The following SHROOM2 variants were observed in gnomAD, a reference collection of about 807,000 sequenced individuals.
SHROOM2 encodes the protein shroom family member 2.
SHROOM2 carries 33 observed loss-of-function variants against 75.9 expected under a neutral mutation model. The observed-to-expected ratio is 0.43, with a 90% CI of 0.33 to 0.58. The LOEUF (loss-of-function observed/expected upper bound fraction) is 0.58, where lower values mean the gene tolerates loss of function less well. Ranked by LOEUF, SHROOM2 falls within the 20% of genes least tolerant of loss-of-function variation. SHROOM2 has a pLI of 0.04. For synonymous variants in SHROOM2, 655 were observed against 663.6 expected (o/e 0.99, Z 0.20); for missense variants, 1,434 against 1,461.2 (o/e 0.98, Z 0.30).
chrX:9,948,565 G>A lies in SHROOM2; in HGVS notation c.*1628G>A, dbSNP rs749336517. 97 of 113,470 alleles carry A rather than the reference G, an allele frequency of 8.5e-4. 1 individual carries two copies. The highest frequency in any genetic ancestry group is 2.9e-3 in the African/African-American group (92 of 31,196). 9.4% of individuals were successfully genotyped at this position (113,470 alleles called of 1,213,427 possible). A position where few individuals can be genotyped will look rare whatever the true frequency, so the allele number is the denominator to read the frequency against. On this transcript the variant is annotated 3_prime_UTR_variant, in exon 10 of 10. Coordinates refer to ENST00000380913, the MANE Select transcript of SHROOM2 (RefSeq NM_001649.4). Reference sequence around the variant, plus strand: ...ATGCACACACACAGATGTCTTAAAAGACTAGAATCCACACTTCCTGAGCCA... The same window carrying A: ...ATGCACACACACAGATGTCTTAAAAAACTAGAATCCACACTTCCTGAGCCA...
chrX:9,844,956 C>T (rs755352983), intron 1 of SHROOM2, among the ~76,000 whole-genome samples: 19 of 111,979 alleles, frequency 1.7e-4, no homozygotes, highest in Non-Finnish European at 3.0e-4. Context: ...CACCTCCAAT[C>T]TCCTGATGCT....
chrX:9,792,725 A>T (rs911549638), intron 1 of SHROOM2, among the ~76,000 whole-genome samples: 1 of 101,933 alleles, frequency 9.8e-6, no homozygotes, highest in Non-Finnish European at 2.0e-5. Context: ...ATGATAGCGT[A>T]TTTTTTTTTT....
At chrX:9,943,836 A>AGT (rs1279103754) in intron 8 of SHROOM2, among the ~76,000 whole-genome samples, 1 of 112,207 alleles carries the variant, frequency 8.9e-6, no homozygotes, top group African/African-American at 3.2e-5. Flanking sequence ...TTTATATGCT[A>AGT]GTATTAGCAA....
chrX:9,810,822 A>G (rs113153730), intron 1 of SHROOM2, among the ~76,000 whole-genome samples: 11,308 of 110,105 alleles, frequency 0.1, 1,406 homozygotes, highest in African/African-American at 0.35. Flanking sequence ...TTGTCACCTA[A>G]TTGGTGTTAT....
chrX:9,899,858 G>A (rs1169611888), intron 5 of SHROOM2, among the ~76,000 whole-genome samples: 2 of 112,604 alleles, frequency 1.8e-5, no homozygotes, highest in Non-Finnish European at 3.8e-5. Flanking sequence ...GAGGCTGGCC[G>A]TGCAGTGCAT....
chrX:9,918,409 T>G (rs2084510853), intron 5 of SHROOM2, among the ~76,000 whole-genome samples: 1 of 112,414 alleles, frequency 8.9e-6, no homozygotes, highest in Non-Finnish European at 1.9e-5. Flanking sequence ...TGTGGATTCC[T>G]GGTTCACAGA....
chrX:9,796,264 A>G (rs965447641), intron 1 of SHROOM2, among the ~76,000 whole-genome samples: 4 of 108,224 alleles, frequency 3.7e-5, no homozygotes, highest in African/African-American at 1.0e-4. Context: ...CTCTACAACA[A>G]ATAGAAAAAT....
chrX:9,833,626 GTGTGTGTGTGTGTGTGTGTGCA>G (rs1478782900), intron 1 of SHROOM2, among the ~76,000 whole-genome samples: 1 of 109,362 alleles, frequency 9.1e-6, no homozygotes, highest in Admixed American at 9.8e-5. Context: ...GTGTGTGTGT[GTGTGTGTGTGTGTGTGTGTGCA>G]TGCACGTGCA....
intron 5 of SHROOM2, among the ~76,000 whole-genome samples, chrX:9,901,014 G>A (rs1225710719): frequency 3.6e-5 from 4 of 110,755 alleles, no homozygotes; most frequent in Non-Finnish European, 7.6e-5. Context: ...AAGACTGGGG[G>A]ACTCAAACAA....
rs187973654 is a variant in SHROOM2 at position 9,878,504 on chromosome X, T to G, written c.317+4701T>G. On this transcript the variant is annotated intron_variant, in intron 2 of 9. Transcript: ENST00000380913. ...AGCACTCATGTTTGCTAGGAGCTGG[T>G]TTCTTACAACATGCGTCCCGTCTTG... Among the ~76,000 whole-genome samples the G allele has an allele frequency of 9.4e-3, 1,053 of 111,755 alleles. 7 individuals carry two copies. The highest frequency in any genetic ancestry group is 0.031 in the African/African-American group (956 of 30,781).
At chrX:9,902,993 T>C (rs1601979691) in intron 5 of SHROOM2, among the ~76,000 whole-genome samples, 1 of 112,052 alleles carries the variant, frequency 8.9e-6, no homozygotes, top group African/African-American at 3.2e-5. Flanking sequence ...CAAAATTGAA[T>C]GCATACGAAA....
At chrX:9,861,158 AT>A (rs1181670229) in intron 1 of SHROOM2, among the ~76,000 whole-genome samples, 1 of 112,011 alleles carries the variant, frequency 8.9e-6, no homozygotes, top group Non-Finnish European at 1.9e-5. Context: ...ATTTGATATT[AT>A]GTTTTTGTTG....
chrX:9,808,439 T>C (rs1487891184), intron 1 of SHROOM2, among the ~76,000 whole-genome samples: 2 of 108,345 alleles, frequency 1.8e-5, no homozygotes, highest in African/African-American at 3.4e-5. Flanking sequence ...CCCACCTACT[T>C]GGGAGCCTGA....
intron 4 of SHROOM2, among the ~76,000 whole-genome samples, chrX:9,897,090 C>T (rs2084337145): frequency 8.9e-6 from 1 of 112,030 alleles, no homozygotes; most frequent in African/African-American, 3.2e-5. Flanking sequence ...CATACAGTAG[C>T]CACTTTTCAA....
chrX:9,890,114 C>T (rs983474549), intron 2 of SHROOM2, among the ~76,000 whole-genome samples: 2 of 112,675 alleles, frequency 1.8e-5, no homozygotes, highest in African/African-American at 6.4e-5. Flanking sequence ...CACCTGTAAT[C>T]CCAGTACTTT....
At chrX:9,793,104 G>A (rs965712818) in intron 1 of SHROOM2, among the ~76,000 whole-genome samples, 2 of 111,559 alleles carry the variant, frequency 1.8e-5, no homozygotes, top group African/African-American at 6.5e-5. Flanking sequence ...GTGCTTATAT[G>A]CTACTGGTCA....
At chrX:9,873,004 G>A (rs1601958413) in intron 1 of SHROOM2, among the ~76,000 whole-genome samples, 1 of 112,423 alleles carries the variant, frequency 8.9e-6, no homozygotes, top group East Asian at 2.8e-4. Flanking sequence ...AGAAAGCATC[G>A]TGCTAAGTGA....
chrX:9,847,656 C>G (rs1601942681), intron 1 of SHROOM2, among the ~76,000 whole-genome samples: 1 of 111,942 alleles, frequency 8.9e-6, no homozygotes, highest in Non-Finnish European at 1.9e-5. Context: ...TAAGCCTCGG[C>G]CAGTCCTAAA....
chrX:9,904,973 G>A (rs139095103), intron 5 of SHROOM2, among the ~76,000 whole-genome samples: 81 of 112,249 alleles, frequency 7.2e-4, no homozygotes, highest in Non-Finnish European at 1.2e-3. Context: ...TGATCCTCCC[G>A]AGTAGCTGGG....
Sources: allele counts gnomAD v4.1 joint callset (sites outside exome capture counted in the v4.1 genomes callset), GRCh38; gene constraint gnomAD v4.1.1; transcripts MANE v1.5; gene names NCBI Gene and HGNC (gene_info 2026-07-23, HGNC 2026-07-21).